Variants in SVIL observed in about 807,000 individuals in gnomAD.
SVIL encodes the protein archvillin.
In SVIL, 101 loss-of-function variants were observed where a neutral mutation model predicts 240.4. That is an observed-to-expected ratio of 0.42 (90% CI 0.36 to 0.50). The LOEUF is 0.50. SVIL is among the 20% of genes least tolerant of loss of function. SVIL has a pLI of 0.01. For missense variants in SVIL, 2,512 were observed against 2,818.7 expected (o/e 0.89, Z 2.46); for synonymous variants, 999 against 1,100.0 (o/e 0.91, Z 1.82).
chr10:29,606,222 T>G (rs12244749), intron 1 of SVIL, among the ~76,000 whole-genome samples: 50,219 of 151,730 alleles, frequency 0.33, 8,638 homozygotes, highest in South Asian at 0.38. Context: ...TTTTAAAAAT[T>G]TCTGTAGAGA....
chr10:29,552,391 C>T (rs1447407089), intron 5 of SVIL, among the ~76,000 whole-genome samples: 3 of 151,720 alleles, frequency 2.0e-5, no homozygotes, highest in East Asian at 1.9e-4. Context: ...GGTGTAACCC[C>T]GTCTCTACTA....
chr10:29,615,181 C>T (rs763288674), intron 1 of SVIL, among the ~76,000 whole-genome samples: 3 of 152,082 alleles, frequency 2.0e-5, no homozygotes, highest in African/African-American at 4.8e-5. Flanking sequence ...ACAGACCAAA[C>T]AATTGCTATT....
At chr10:29,567,053 AT>A in intron 2 of SVIL, among the ~76,000 whole-genome samples, 1 of 152,080 alleles carries the variant, frequency 6.6e-6, no homozygotes, top group South Asian at 2.1e-4. Flanking sequence ...CACCTTTTGG[AT>A]TTTTTTCCAA....
At chr10:29,500,890 A>C (rs939614346) in intron 17 of SVIL, among the ~76,000 whole-genome samples, 2 of 152,116 alleles carry the variant, frequency 1.3e-5, no homozygotes, top group Admixed American at 6.6e-5. Flanking sequence ...GAGGGACAGG[A>C]AGAGAGTGGA....
At chr10:29,586,785 T>C (rs890024687) in intron 1 of SVIL, among the ~76,000 whole-genome samples, 2 of 152,004 alleles carry the variant, frequency 1.3e-5, no homozygotes, top group Non-Finnish European at 2.9e-5. Flanking sequence ...AAAACTAACG[T>C]AGGAACAGAA....
intron 34 of SVIL, 112 bp from the exon 35 acceptor site, chr10:29,463,747 G>A (rs1564449587): frequency 2.8e-6 from 4 of 1,454,240 alleles, no homozygotes; most frequent in Non-Finnish European, 3.7e-6. Context: ...GTGTCACAGG[G>A]GGAAACCCCC....
chr10:29,709,134 A>G (rs1963107836), intron 1 of SVIL, among the ~76,000 whole-genome samples: 1 of 152,216 alleles, frequency 6.6e-6, no homozygotes, highest in African/African-American at 2.4e-5. Context: ...GAAATTATCA[A>G]AGAAATAATA....
chr10:29,656,605 C>G (rs1364045037), intron 3 of SVIL, among the ~76,000 whole-genome samples: 1 of 152,192 alleles, frequency 6.6e-6, no homozygotes. Context: ...ATGAAACTCA[C>G]CAGATCACAT....
intron 16 of SVIL, among the ~76,000 whole-genome samples, chr10:29,516,453 G>A (rs1232637936): frequency 1.3e-5 from 2 of 152,186 alleles, no homozygotes; most frequent in Non-Finnish European, 2.9e-5. Flanking sequence ...CCACGCTGAG[G>A]AGGGAGGGAG....
At position 29,526,949 on chromosome 10, in the gene SVIL, T is replaced by A. The variant is rs1341267752; in HGVS notation, c.2342+12A>T. On this transcript the variant is annotated intron_variant, in intron 13 of 37. Coordinates refer to ENST00000355867, the MANE Select transcript of SVIL (RefSeq NM_021738.3). ...GCACCGGGTGCCGCATGCATCTGTA[T>A]CTGTCCAGTACCTGGCAGGCTGCAC... 1.3e-6 allele frequency: 2 copies of A among 1,571,460 alleles called. No homozygotes were observed. The highest frequency in any genetic ancestry group is 4.6e-5 in the East Asian group (2 of 43,796).
At position 29,481,606 on chromosome 10, in the gene SVIL, G is replaced by C; in HGVS notation, c.5078C>G (p.Pro1693Arg). The C allele has an allele frequency of 1.2e-6, 2 of 1,614,146 alleles. No homozygotes were observed. The highest frequency in any genetic ancestry group is 1.7e-6 in the Non-Finnish European group (2 of 1,180,022). ...TELKRSNEKN[P>R]GELAQHKEDP... is the part of the protein sequence containing the mutation. ...TACCTTGTGCTGGGCAAGTTCCCCG[G>C]GGTTCTTCTCATTCGATCTCTTCAG... The change falls in exon 28 of 38, where the codon CCC becomes CGC. Residue 1693 changes from proline to arginine, a missense_variant. Pro to Arg is a moderately radical substitution (Grantham distance 103). Around this residue, in one of 3 missense-constraint regions of SVIL, gnomAD observed 797 missense variants for 925.3 expected, o/e 0.86. Transcript: ENST00000355867.
chr10:29,691,509 C>G lies in SVIL; in HGVS notation c.-399-4858G>C, dbSNP rs546457803. 5.9e-5 allele frequency among the ~76,000 whole-genome samples: 9 copies of G among 152,290 alleles called. No individual in the cohort carries two copies. The East Asian group carries it at 1.5e-3, about 26-fold the overall frequency. ...TACAGGCGTGAGCCACCGCGCCCAG[C>G]CCCAATAATGAATAATTTTTAAAGA... On this transcript the variant is annotated intron_variant, in intron 1 of 35. Coordinates refer to the SVIL transcript ENST00000375400.
At chr10:29,491,082 G>A (rs1947909687) in intron 21 of SVIL, 63 bp from the exon 22 acceptor site, 3 of 1,513,006 alleles carry the variant, frequency 2.0e-6, no homozygotes, top group Non-Finnish European at 2.7e-6. Context: ...ATGACCTGGG[G>A]GTCTTGGACT....
chr10:29,542,545 T>C (rs1952255612), intron 6 of SVIL, among the ~76,000 whole-genome samples: 1 of 152,176 alleles, frequency 6.6e-6, no homozygotes, highest in Non-Finnish European at 1.5e-5. Context: ...TTAATTTCTG[T>C]GGGTACATAG....
Position 29,529,761 on chromosome 10 carries a change from C to A in SVIL, c.2190G>T (p.Leu730=). The A allele has an allele frequency of 2.5e-6, 4 of 1,613,768 alleles. No individual in the cohort carries two copies. Among genetic ancestry groups the A allele is most frequent in the Non-Finnish European group, 3.4e-6 (4 of 1,179,866 alleles). The change falls in exon 12 of 38, where the codon CTG becomes CTT. Residue 730 remains leucine, a synonymous_variant. Transcript: ENST00000355867. The part of the protein sequence containing the change: ...NTAVEQRLRR[L]QDRSLTQPIT... ...TGGGCTGGGTGAGGGACCTGTCCTGCAGACGGCGTAGCCTCTGCTCCACAG... is the reference window on the plus strand; with the variant it reads ...TGGGCTGGGTGAGGGACCTGTCCTGAAGACGGCGTAGCCTCTGCTCCACAG...
At chr10:29,616,262 C>A (rs1957423043) in intron 1 of SVIL, among the ~76,000 whole-genome samples, 2 of 152,168 alleles carry the variant, frequency 1.3e-5, no homozygotes, top group African/African-American at 2.4e-5. Context: ...GTCTTAAACT[C>A]CTGAACTCAG....
Position 29,488,604 on chromosome 10 carries a change from T to C in SVIL, c.4345A>G (p.Lys1449Glu). Reference sequence around the variant, plus strand: ...GTGCCAGGCTGCTCTGAAATACCTTTAATCTGCAACAGCATCAGCCTCTTG... The same window carrying C: ...GTGCCAGGCTGCTCTGAAATACCTTCAATCTGCAACAGCATCAGCCTCTTG... ...PYKRLMLLQI[K>E]GRRHVQTRLV... The change falls in exon 23 of 38, where the codon AAA becomes GAA. Residue 1449 changes from lysine to glutamate, a missense_variant. Coordinates refer to ENST00000355867, the MANE Select transcript of SVIL (RefSeq NM_021738.3). 6.3e-7 allele frequency: 1 copy of C among 1,594,132 alleles called. No individual in the cohort carries two copies. The highest frequency in any genetic ancestry group is 8.5e-7 in the Non-Finnish European group (1 of 1,173,076).
intron 1 of SVIL, among the ~76,000 whole-genome samples, chr10:29,691,698 A>C (rs1393898059): frequency 3.9e-5 from 6 of 152,162 alleles, no homozygotes; most frequent in Non-Finnish European, 5.9e-5. Flanking sequence ...ATGGCTCAGG[A>C]TTAAGACATG....
At chr10:29,543,347 T>C (rs1485834243) in intron 6 of SVIL, among the ~76,000 whole-genome samples, 1 of 152,216 alleles carries the variant, frequency 6.6e-6, no homozygotes, top group Non-Finnish European at 1.5e-5. Flanking sequence ...AGATGTAATC[T>C]GACCACTGCA....
Sources: gnomAD v4.1 joint callset for allele counts (sites outside exome capture counted in the v4.1 genomes callset) on GRCh38, gnomAD v4.1.1 for gene constraint, gnomAD v4.1.1 regional missense constraint, MANE v1.5 for transcripts, NCBI Gene and HGNC (gene_info 2026-07-23, HGNC 2026-07-21) for gene names.